The following DLGAP1 variants were observed in gnomAD, a reference collection of about 807,000 sequenced individuals.
DLGAP1 encodes disks large-associated protein 1.
DLGAP1 carries 11 observed loss-of-function variants against 90.8 expected under a neutral mutation model. That is an observed-to-expected ratio of 0.12 (90% CI 0.08 to 0.20). The LOEUF (loss-of-function observed/expected upper bound fraction) is 0.20. DLGAP1 is among the 10% of genes least tolerant of loss of function. The pLI is 1.00. For missense variants in DLGAP1, 1,050 were observed against 1,333.8 expected (o/e 0.79, Z 3.31); for synonymous variants, 558 against 540.7 (o/e 1.03, Z -0.44).
At chr18:3,659,322 T>C (rs2059600941) in intron 7 of DLGAP1, among the ~76,000 whole-genome samples, 1 of 151,460 alleles carries the variant, frequency 6.6e-6, no homozygotes, top group Non-Finnish European at 1.5e-5. Context: ...GGACACACAA[T>C]AGACATTATC....
At chr18:3,899,673 T>C (rs1042517742) in intron 3 of DLGAP1, among the ~76,000 whole-genome samples, 1 of 152,206 alleles carries the variant, frequency 6.6e-6, no homozygotes, top group African/African-American at 2.4e-5. Flanking sequence ...TACCATAGCA[T>C]CTTTAACCAG....
chr18:4,113,587 T>C (rs75214040), intron 2 of DLGAP1, among the ~76,000 whole-genome samples: 1,786 of 152,306 alleles, frequency 0.012, 19 homozygotes, highest in African/African-American at 0.031. Context: ...ACTCTACTGA[T>C]AGTTTGTATG....
intron 2 of DLGAP1, among the ~76,000 whole-genome samples, chr18:4,144,807 A>G (rs1174273793): frequency 1.3e-5 from 2 of 152,188 alleles, no homozygotes; most frequent in African/African-American, 2.4e-5. Context: ...TGTCTAGCAT[A>G]TGATAAGAAT....
chr18:3,756,115 T>C (rs565135248), intron 5 of DLGAP1, among the ~76,000 whole-genome samples: 1 of 152,156 alleles, frequency 6.6e-6, no homozygotes, highest in South Asian at 2.1e-4. Flanking sequence ...AATGGCACGA[T>C]CTTGGCTCAC....
At chr18:4,131,066 T>C (rs2076306676) in intron 2 of DLGAP1, among the ~76,000 whole-genome samples, 1 of 152,130 alleles carries the variant, frequency 6.6e-6, no homozygotes, top group South Asian at 2.1e-4. Flanking sequence ...AGCATTACAG[T>C]GTCTTTTTTT....
intron 2 of DLGAP1, among the ~76,000 whole-genome samples, chr18:4,107,613 C>A (rs1380898618): frequency 2.6e-5 from 4 of 152,154 alleles, no homozygotes; most frequent in African/African-American, 9.7e-5. Context: ...ATACCAAAAA[C>A]CGTTGAACTA....
chr18:4,010,761 T>G (rs1030399089), intron 2 of DLGAP1, among the ~76,000 whole-genome samples: 2 of 152,090 alleles, frequency 1.3e-5, no homozygotes, highest in Non-Finnish European at 2.9e-5. Context: ...TACTTCAAGA[T>G]CCGCATCTTT....
At chr18:4,392,597 C>G (rs1042295616) in intron 1 of DLGAP1, among the ~76,000 whole-genome samples, 4 of 152,166 alleles carry the variant, frequency 2.6e-5, no homozygotes, top group Non-Finnish European at 4.4e-5. Flanking sequence ...GCTGATCCAC[C>G]TACTCAAAGT....
chr18:3,609,963 CAGG>C (rs1284103192), intron 7 of DLGAP1, among the ~76,000 whole-genome samples: 4 of 151,576 alleles, frequency 2.6e-5, no homozygotes, highest in African/African-American at 9.7e-5. Context: ...GAGGCTGAGG[CAGG>C]AGAATTGCTT....
chr18:4,065,139 T>TA (rs1016669108), intron 2 of DLGAP1, among the ~76,000 whole-genome samples: 6 of 151,916 alleles, frequency 3.9e-5, no homozygotes, highest in African/African-American at 1.2e-4. Context: ...CCATTCATGT[T>TA]AAAAAAAATC....
At chr18:4,432,342 T>C (rs1441883767) in intron 1 of DLGAP1, among the ~76,000 whole-genome samples, 1 of 152,176 alleles carries the variant, frequency 6.6e-6, no homozygotes, top group East Asian at 1.9e-4. Flanking sequence ...ATAGGTTTTA[T>C]AAATGCATCA....
At chr18:4,193,997 T>A (rs558468267) in intron 1 of DLGAP1, among the ~76,000 whole-genome samples, 4 of 152,170 alleles carry the variant, frequency 2.6e-5, no homozygotes, top group South Asian at 2.1e-4. Flanking sequence ...AATTTCAAAA[T>A]TTTTTTTCAA....
chr18:3,837,137 A>G (rs942429753), intron 4 of DLGAP1, among the ~76,000 whole-genome samples: 121 of 152,350 alleles, frequency 7.9e-4, no homozygotes, highest in African/African-American at 2.7e-3. Context: ...TAGGCTTTCA[A>G]GATGTGTTTT....
chr18:3,610,678 CA>C (rs567516917), intron 7 of DLGAP1, among the ~76,000 whole-genome samples: 141 of 141,372 alleles, frequency 1.0e-3, no homozygotes, highest in Non-Finnish European at 1.0e-3. Context: ...ACTAAAAATA[CA>C]AAAAAAAAAA....
chr18:4,003,979 A>T (rs1049140252), intron 3 of DLGAP1, among the ~76,000 whole-genome samples: 1 of 152,148 alleles, frequency 6.6e-6, no homozygotes, highest in Non-Finnish European at 1.5e-5. Flanking sequence ...AGCTTAACAG[A>T]CTATAATATT....
At chr18:4,404,790 C>T (rs991041496) in intron 1 of DLGAP1, among the ~76,000 whole-genome samples, 3 of 152,150 alleles carry the variant, frequency 2.0e-5, no homozygotes, top group Non-Finnish European at 2.9e-5. Context: ...ACAGAAGACT[C>T]TGGCAGGACA....
At chr18:3,949,144 T>G (rs550094965) in intron 3 of DLGAP1, among the ~76,000 whole-genome samples, 11 of 152,314 alleles carry the variant, frequency 7.2e-5, no homozygotes, top group Middle Eastern at 3.4e-3. Flanking sequence ...AGCAATACTT[T>G]GCTGGCTCTG....
At chr18:3,883,282 TA>T (rs1025545353) in intron 3 of DLGAP1, among the ~76,000 whole-genome samples, 108 of 152,118 alleles carry the variant, frequency 7.1e-4, no homozygotes, top group African/African-American at 2.6e-3. Context: ...AACAAACATA[TA>T]AAACACCCAC....
intron 2 of DLGAP1, among the ~76,000 whole-genome samples, chr18:4,021,208 CCT>C (rs765826930): frequency 1.4e-4 from 22 of 152,140 alleles, no homozygotes; most frequent in Non-Finnish European, 3.1e-4. Flanking sequence ...TTGCAATTCC[CCT>C]GTCTTGATAA....
Sources: gnomAD v4.1 joint callset for allele counts (sites outside exome capture counted in the v4.1 genomes callset) on GRCh38, gnomAD v4.1.1 for gene constraint, MANE v1.5 for transcripts, NCBI Gene and HGNC (gene_info 2026-07-23, HGNC 2026-07-21) for gene names.